Variants in GBF1 observed in about 807,000 individuals in gnomAD.
GBF1 encodes the protein golgi brefeldin A resistant guanine nucleotide exchange factor 1.
A neutral mutation model predicts 210.5 loss-of-function variants in GBF1; 114 were observed. The observed-to-expected ratio is 0.54, with a 90% CI of 0.47 to 0.63. GBF1 has a LOEUF of 0.63. GBF1 is among the 30% of genes least tolerant of loss of function. The probability of loss-of-function intolerance (pLI) is 0.00; values close to 1 mark genes in which losing one functional copy is unlikely to be tolerated. For missense variants in GBF1, 1,851 were observed against 2,357.7 expected, an observed-to-expected ratio of 0.79 and a Z score of 4.45; for synonymous variants, 850 against 889.2, an observed-to-expected ratio of 0.96 and a Z score of 0.78.
intron 1 of GBF1, among the ~76,000 whole-genome samples, chr10:102,254,593 C>T (rs973688136): frequency 5.9e-5 from 9 of 152,154 alleles, no homozygotes; most frequent in African/African-American, 1.9e-4. Context: ...TGCCACAAAG[C>T]ACTAGGGGAA....
rs1589802939 is a variant in GBF1 at position 102,368,568 on chromosome 10, A to C, written c.2879+114A>C. The stretch of plus-strand genomic sequence containing the variant: ...CTTCATTAGAATGGGGTTCCCCCTG[A>C]GTTTTTGGAGGGAGGCTGAAGCTTG... On this transcript the variant is annotated intron_variant, in intron 22 of 39. Coordinates refer to ENST00000369983, the MANE Select transcript of GBF1 (RefSeq NM_001377137.1). 4 of 832,886 alleles carry C rather than the reference A, an allele frequency of 4.8e-6. No individual in the cohort carries two copies. In the Admixed American group the frequency reaches 6.3e-5, roughly 13 times the overall value. 51.6% of individuals were successfully genotyped at this position (832,886 alleles called of 1,614,324 possible).
chr10:102,322,152 A>T (rs991430604), intron 3 of GBF1, among the ~76,000 whole-genome samples: 9 of 152,232 alleles, frequency 5.9e-5, no homozygotes, highest in Non-Finnish European at 1.3e-4. Context: ...AAGCCAAGCC[A>T]CCATGCCTGG....
At chr10:102,256,305 A>G (rs1332733769) in intron 1 of GBF1, among the ~76,000 whole-genome samples, 2 of 149,156 alleles carry the variant, frequency 1.3e-5, no homozygotes. Flanking sequence ...CATGCTTTTC[A>G]CTTTCTTGGG....
At chr10:102,312,111 G>A (rs1022971907) in intron 3 of GBF1, among the ~76,000 whole-genome samples, 15 of 152,238 alleles carry the variant, frequency 9.9e-5, no homozygotes, top group East Asian at 9.7e-4. Context: ...GACCAGCATG[G>A]AGAAACCCTG....
chr10:102,240,604 C>T (rs942705904), upstream of GBF1, among the ~76,000 whole-genome samples: 1 of 152,232 alleles, frequency 6.6e-6, no homozygotes, highest in Non-Finnish European at 1.5e-5. Context: ...ACACAACTCC[C>T]GCTCCGGAGA....
At chr10:102,335,356 C>A (rs1033718756) in intron 3 of GBF1, among the ~76,000 whole-genome samples, 1 of 152,098 alleles carries the variant, frequency 6.6e-6, no homozygotes, top group African/African-American at 2.4e-5. Context: ...TCTTCCAGGG[C>A]GGGAATTTTG....
chr10:102,297,187 G>A (rs748997198), intron 3 of GBF1, among the ~76,000 whole-genome samples: 1 of 152,208 alleles, frequency 6.6e-6, no homozygotes. Context: ...AAAAATTGCT[G>A]CTGTGTGTGG....
chr10:102,344,242 GC>G, intron 4 of GBF1, 60 bp downstream of exon 4: 2 of 1,539,862 alleles, frequency 1.3e-6, no homozygotes, highest in Non-Finnish European at 1.8e-6. Context: ...TTCCTGGGGT[GC>G]CCAGGCCTTA....
chr10:102,374,657 C>T (rs1378384554), intron 29 of GBF1, among the ~76,000 whole-genome samples: 1 of 152,004 alleles, frequency 6.6e-6, no homozygotes, highest in East Asian at 1.9e-4. Flanking sequence ...GTGGTGGATA[C>T]CCAAACCTAC....
chr10:102,323,519 C>G (rs2056620566), intron 3 of GBF1, among the ~76,000 whole-genome samples: 1 of 151,522 alleles, frequency 6.6e-6, no homozygotes, highest in Non-Finnish European at 1.5e-5. Flanking sequence ...AGGTAGCTAC[C>G]CTAGACTTCA....
rs762319795 is a variant in GBF1 at position 102,258,975 on chromosome 10, A to G, written c.37A>G (p.Ile13Val). 1.2e-6 allele frequency: 2 copies of G among 1,607,858 alleles called. No homozygotes were observed. The highest frequency in any genetic ancestry group is 1.7e-6 in the Non-Finnish European group (2 of 1,174,372). The change falls in exon 2 of 40, where the codon ATT becomes GTT. Residue 13 changes from isoleucine to valine, a missense_variant. Physicochemically the swap from Ile to Val is conservative, Grantham distance 29. This residue lies in a region of GBF1 where 804 missense variants were observed against 958.6 expected (regional missense o/e 0.84). Transcript: ENST00000369983. Reference sequence around the variant, plus strand: ...GAATATTTACATCATTCAAGGGGAGATTAACATTGTGGTTGGGGCCATCAA... The same window carrying G: ...GAATATTTACATCATTCAAGGGGAGGTTAACATTGTGGTTGGGGCCATCAA... The part of the protein sequence containing the change: ...DKNIYIIQGE[I>V]NIVVGAIKRN...
rs1257816652 is a variant in GBF1 at position 102,380,622 on chromosome 10, G to A, written c.5109G>A (p.Trp1703Ter). ...GGPSALWEITWERIDCFLPHL... is the reference protein window; with the variant it reads ...GGPSALWEIT Reference sequence around the variant, plus strand: ...CCTCGGCCCTCTGGGAGATCACCTGGGAACGCATTGACTGTTTTCTCCCTC... The same window carrying A: ...CCTCGGCCCTCTGGGAGATCACCTGAGAACGCATTGACTGTTTTCTCCCTC... Residue 1703 changes from tryptophan to a stop codon, truncating the protein, a stop_gained, in exon 38 of 40, where the codon TGG (tryptophan) becomes TGA (stop). Coordinates refer to ENST00000369983, the MANE Select transcript of GBF1 (RefSeq NM_001377137.1). LOFTEE classifies it high-confidence loss of function. The A allele has an allele frequency of 6.2e-7, 1 of 1,614,078 alleles. No homozygotes were observed. The highest frequency in any genetic ancestry group is 8.5e-7 in the Non-Finnish European group (1 of 1,179,980).
intron 3 of GBF1, among the ~76,000 whole-genome samples, chr10:102,288,302 T>C (rs554480448): frequency 2.0e-5 from 3 of 150,442 alleles, no homozygotes; most frequent in Non-Finnish European, 4.4e-5. Flanking sequence ...AGTTACAGTG[T>C]TACCATGTTT....
rs574125804 is a variant in GBF1 at position 102,366,122 on chromosome 10, G to T, written c.2310-261G>T. Reference sequence around the variant, plus strand: ...GGACTCCAACGAGATAGTTTGGGGAGCCCCCTCCATTCTGCATGGAGTCCA... The same window carrying T: ...GGACTCCAACGAGATAGTTTGGGGATCCCCCTCCATTCTGCATGGAGTCCA... On this transcript the variant is annotated intron_variant, in intron 18 of 39. Coordinates refer to ENST00000369983, the MANE Select transcript of GBF1 (RefSeq NM_001377137.1). This position sits in a 1 kb window ranked among gnomAD's most constrained non-coding sequence, Gnocchi z 4.0. Among the ~76,000 whole-genome samples, 3 of 152,288 alleles carry T rather than the reference G, an allele frequency of 2.0e-5. No individual in the cohort carries two copies. Among genetic ancestry groups the T allele is most frequent in the Admixed American group, 6.5e-5 (1 of 15,300 alleles).
chr10:102,286,203 T>TG (rs1274187433), intron 3 of GBF1, among the ~76,000 whole-genome samples: 4 of 83,178 alleles, frequency 4.8e-5, no homozygotes, highest in East Asian at 3.2e-4. Flanking sequence ...GGTTTTTTTT[T>TG]TTTTTTTTTT....
intron 23 of GBF1, 96 bp from the exon 24 acceptor site, chr10:102,369,115 A>G (rs1170573161): frequency 3.2e-6 from 3 of 926,082 alleles, no homozygotes; most frequent in Admixed American, 2.1e-5. Flanking sequence ...AGAGCCAACA[A>G]AAGGACCTGA....
intron 39 of GBF1, 45 bp from the exon 40 acceptor site, chr10:102,382,011 T>A: frequency 6.7e-7 from 1 of 1,492,506 alleles, no homozygotes. Context: ...AGTTGTCTTG[T>A]ACCAACAAGG....
chr10:102,270,719 A>T (rs1027019134), intron 3 of GBF1, among the ~76,000 whole-genome samples: 1 of 152,186 alleles, frequency 6.6e-6, no homozygotes, highest in East Asian at 1.9e-4. Flanking sequence ...AAACAACAAT[A>T]ATTTGCCAAT....
At chr10:102,372,089 G>A (rs774515031) in intron 29 of GBF1, among the ~76,000 whole-genome samples, 45 of 148,276 alleles carry the variant, frequency 3.0e-4, no homozygotes, top group South Asian at 2.4e-3. Flanking sequence ...GATGGTGAGC[G>A]CCTGATTGCT....
Sources: allele counts gnomAD v4.1 joint callset (sites outside exome capture counted in the v4.1 genomes callset), GRCh38; gene constraint gnomAD v4.1.1; regional missense constraint gnomAD v4.1.1; non-coding constraint Gnocchi (gnomAD v3.1); transcripts MANE v1.5; gene names NCBI Gene and HGNC (gene_info 2026-07-23, HGNC 2026-07-21).